The following ARHGAP10 variants were observed in gnomAD, a reference collection of about 807,000 sequenced individuals.
The protein encoded by ARHGAP10 is Rho GTPase activating protein 10.
A neutral mutation model predicts 108.6 loss-of-function variants in ARHGAP10; 87 were observed. That is an observed-to-expected ratio of 0.80 (90% CI 0.67 to 0.96). The LOEUF is 0.96. ARHGAP10 is among the 40% of genes least tolerant of loss of function. The probability of loss-of-function intolerance (pLI) is 0.00; values close to 1 mark genes in which losing one functional copy is unlikely to be tolerated. For missense variants in ARHGAP10, 939 were observed against 954.5 expected (o/e 0.98, Z 0.21); for synonymous variants, 347 against 341.1 (o/e 1.02, Z -0.19).
chr4:147,975,582 G>T (rs140291289), intron 18 of ARHGAP10, among the ~76,000 whole-genome samples: 300 of 152,314 alleles, frequency 2.0e-3, no homozygotes, highest in African/African-American at 7.0e-3. Context: ...AAGAGAACAT[G>T]TGAAAAAGGA....
At chr4:147,767,599 C>T (rs1000669623) in intron 1 of ARHGAP10, among the ~76,000 whole-genome samples, 1 of 152,032 alleles carries the variant, frequency 6.6e-6, no homozygotes, top group Non-Finnish European at 1.5e-5. Flanking sequence ...CACCTGTAGT[C>T]CCAGTTACTT....
chr4:147,850,952 A>C (rs1348633150), intron 4 of ARHGAP10, among the ~76,000 whole-genome samples: 1 of 152,182 alleles, frequency 6.6e-6, no homozygotes, highest in East Asian at 1.9e-4. Context: ...AACTCTGAGA[A>C]ATACCAGAAC....
At chr4:147,848,275 C>T (rs564708737) in intron 4 of ARHGAP10, among the ~76,000 whole-genome samples, 33 of 152,170 alleles carry the variant, frequency 2.2e-4, no homozygotes, top group Non-Finnish European at 2.9e-4. Context: ...TTTGGCATAC[C>T]GTATTACAGT....
intron 19 of ARHGAP10, among the ~76,000 whole-genome samples, chr4:148,026,757 A>G (rs1336363811): frequency 6.6e-6 from 1 of 152,188 alleles, no homozygotes; most frequent in East Asian, 1.9e-4. Context: ...TCTCAACATC[A>G]AAGCTGAGTA....
intron 13 of ARHGAP10, among the ~76,000 whole-genome samples, chr4:147,921,302 G>C (rs952097494): frequency 2.6e-5 from 4 of 152,212 alleles, no homozygotes; most frequent in South Asian, 2.1e-4. Context: ...ATCTCATAAC[G>C]TATATCAGGA....
chr4:147,893,600 TCTATATATAGAA>T (rs1419941749), intron 10 of ARHGAP10, among the ~76,000 whole-genome samples: 1 of 148,136 alleles, frequency 6.8e-6, no homozygotes, highest in Non-Finnish European at 1.5e-5. Flanking sequence ...ATTTATATAA[TCTATATATAGAA>T]CTATATATAT....
chr4:147,756,932 A>G (rs1729397798), intron 1 of ARHGAP10, among the ~76,000 whole-genome samples: 1 of 151,614 alleles, frequency 6.6e-6, no homozygotes, highest in South Asian at 2.1e-4. Context: ...GCATTCATGA[A>G]TGCCTGGTAT....
chr4:147,956,735 A>G (rs1395010849), intron 16 of ARHGAP10, among the ~76,000 whole-genome samples: 2 of 150,134 alleles, frequency 1.3e-5, no homozygotes, highest in Non-Finnish European at 2.9e-5. Context: ...TTATGGAATA[A>G]GGTTTTTTTT....
chr4:148,011,362 C>G (rs764455198), intron 18 of ARHGAP10, among the ~76,000 whole-genome samples: 2 of 152,160 alleles, frequency 1.3e-5, no homozygotes, highest in Non-Finnish European at 2.9e-5. Flanking sequence ...TAGCTGTGGG[C>G]TGGAATCATC....
chr4:147,742,156 T>TA lies in ARHGAP10; in HGVS notation c.154+9712dup, dbSNP rs539847299. Reference sequence around the variant, plus strand: ...GAATACAGGATGTGGAATGGTCTCTTAAAAAAAAAAATGAGTGCTTTCTTT... The same window carrying TA: ...GAATACAGGATGTGGAATGGTCTCTTAAAAAAAAAAAATGAGTGCTTTCTTT... On this transcript the variant is annotated intron_variant, in intron 1 of 22. Transcript: ENST00000336498. Among the ~76,000 whole-genome samples the TA allele has an allele frequency of 8.6e-3, 1,263 of 146,886 alleles. 12 individuals carry two copies. Among genetic ancestry groups the TA allele is most frequent in the African/African-American group, 0.028 (1,120 of 40,302 alleles).
Position 147,879,217 on chromosome 4 carries a change from G to A in ARHGAP10, c.833-15G>A. On this transcript the variant is annotated splice_polypyrimidine_tract_variant and intron_variant, in intron 8 of 22. Coordinates refer to ENST00000336498, the MANE Select transcript of ARHGAP10 (RefSeq NM_024605.4). ...TTTATGAGGGAAAATATAAAGGGCT[G>A]TTTTTTTGTTGAAGGGCCTGCTCCG... The A allele has an allele frequency of 1.2e-6, 2 of 1,604,782 alleles. No homozygotes were observed. The highest frequency in any genetic ancestry group is 1.7e-6 in the Non-Finnish European group (2 of 1,176,238).
intron 1 of ARHGAP10, among the ~76,000 whole-genome samples, chr4:147,757,339 G>T (rs903119704): frequency 2.0e-5 from 3 of 152,024 alleles, no homozygotes; most frequent in African/African-American, 7.2e-5. Flanking sequence ...GACTACAGGC[G>T]TATGCCGCCA....
chr4:147,992,580 A>G (rs1740319353), intron 18 of ARHGAP10, among the ~76,000 whole-genome samples: 1 of 151,780 alleles, frequency 6.6e-6, no homozygotes, highest in African/African-American at 2.4e-5. Flanking sequence ...TAATTTTTGT[A>G]TTTTTAATAG....
At chr4:148,015,455 A>G (rs748325363) in intron 18 of ARHGAP10, among the ~76,000 whole-genome samples, 1 of 152,208 alleles carries the variant, frequency 6.6e-6, no homozygotes, top group African/African-American at 2.4e-5. Context: ...TTCCAGCTCC[A>G]AGATTCTGAG....
rs200804383 is a variant in ARHGAP10, at chr4:147,822,705, A to G, written c.155-22A>G. On this transcript the variant is annotated intron_variant, in intron 1 of 22. Coordinates refer to ENST00000336498, the MANE Select transcript of ARHGAP10 (RefSeq NM_024605.4). The stretch of plus-strand genomic sequence containing the variant: ...TTGACATAAAACAAGAACCCAAGTC[A>G]TCATTATACTTTTCTTTCTAGGTCT... 7 of 1,606,474 alleles carry G rather than the reference A, an allele frequency of 4.4e-6. No individual in the cohort carries two copies. The East Asian group carries it at 1.6e-4, about 36-fold the overall frequency.
chr4:147,831,849 C>G (rs973973839), intron 3 of ARHGAP10, among the ~76,000 whole-genome samples: 1 of 152,178 alleles, frequency 6.6e-6, no homozygotes, highest in Non-Finnish European at 1.5e-5. Context: ...TGAAGATTAT[C>G]TTAGGCAGGA....
At chr4:148,001,925 C>T (rs1323888336) in intron 18 of ARHGAP10, among the ~76,000 whole-genome samples, 1 of 152,124 alleles carries the variant, frequency 6.6e-6, no homozygotes, top group Non-Finnish European at 1.5e-5. Context: ...TGCCTGATTG[C>T]CCTGGCCAGA....
At position 147,763,321 on chromosome 4, in the gene ARHGAP10, T is replaced by TG. The variant is rs1189870951; in HGVS notation, c.154+30866_154+30867insG. 2.6e-5 allele frequency among the ~76,000 whole-genome samples: 4 copies of TG among 151,782 alleles called. No homozygotes were observed. The East Asian group carries it at 5.8e-4, about 22-fold the overall frequency. ...GTAGTAGGAGTAGATAATAGTTTTTTTTTTTTTTTTTGAGACAGTCTCGCT... is the reference window on the plus strand; with the variant it reads ...GTAGTAGGAGTAGATAATAGTTTTTTGTTTTTTTTTTTGAGACAGTCTCGCT... On this transcript the variant is annotated intron_variant, in intron 1 of 22. Transcript: ENST00000336498.
At chr4:147,984,475 G>T (rs1412813835) in intron 18 of ARHGAP10, among the ~76,000 whole-genome samples, 1 of 152,208 alleles carries the variant, frequency 6.6e-6, no homozygotes, top group Non-Finnish European at 1.5e-5. Context: ...TGTTTCCTTT[G>T]ACCCACGGTG....
Sources: allele counts gnomAD v4.1 joint callset (sites outside exome capture counted in the v4.1 genomes callset), GRCh38; gene constraint gnomAD v4.1.1; transcripts MANE v1.5; gene names NCBI Gene and HGNC (gene_info 2026-07-23, HGNC 2026-07-21).